The following ITGA6 variants were observed in gnomAD, a reference collection of about 807,000 sequenced individuals.
ITGA6 encodes the protein integrin alpha-6.
Under a neutral mutation model 133.6 loss-of-function variants are expected in ITGA6, and 63 were observed. That is an observed-to-expected ratio of 0.47 (90% CI 0.38 to 0.58). ITGA6 has a LOEUF of 0.58. Among genes scored for constraint, ITGA6 ranks in the 20% least tolerant of loss-of-function variants. The pLI, the probability that ITGA6 is intolerant of heterozygous loss-of-function variation, is 0.00. For missense variants in ITGA6, 1,068 were observed against 1,309.4 expected (o/e 0.82, Z 2.85); for synonymous variants, 434 against 482.0 (o/e 0.90, Z 1.30).
chr2:172,435,595 C>T (rs772633257), intron 1 of ITGA6, among the ~76,000 whole-genome samples: 48 of 146,556 alleles, frequency 3.3e-4, no homozygotes, highest in Non-Finnish European at 6.1e-4. Flanking sequence ...TGCCACGACA[C>T]AAAACCCAAG....
intron 1 of ITGA6, among the ~76,000 whole-genome samples, chr2:172,446,708 A>G (rs1684782801): frequency 6.6e-6 from 1 of 152,230 alleles, no homozygotes; most frequent in South Asian, 2.1e-4. Flanking sequence ...AAATGATTAA[A>G]TGCCACATTT....
intron 1 of ITGA6, among the ~76,000 whole-genome samples, chr2:172,449,299 T>C (rs1684887481): frequency 6.6e-6 from 1 of 152,222 alleles, no homozygotes; most frequent in South Asian, 2.1e-4. Flanking sequence ...TGAAGGATTT[T>C]GTAATTATAG....
intron 1 of ITGA6, among the ~76,000 whole-genome samples, chr2:172,445,966 G>A (rs1027921906): frequency 2.0e-5 from 3 of 152,248 alleles, no homozygotes; most frequent in Non-Finnish European, 4.4e-5. Context: ...ACTGAGTTGT[G>A]TGGCACATCC....
In ITGA6 at chr2:172,504,413, C is replaced by A; in HGVS notation, c.*345C>A. The A allele has an allele frequency of 2.0e-6, 1 of 494,718 alleles. No individual in the cohort carries two copies. Among genetic ancestry groups the A allele is most frequent in the South Asian group, 4.4e-5 (1 of 22,730 alleles). 30.6% of individuals were successfully genotyped at this position (494,718 alleles called of 1,614,324 possible). A position where few individuals can be genotyped will look rare whatever the true frequency, so the allele number is the denominator to read the frequency against. ...TTTAACTGTGGATATTGTTACGTAG[C>A]CTAAGGCTCCTGTTTTGCACAGCCA... On this transcript the variant is annotated 3_prime_UTR_variant, in exon 26 of 26. Coordinates refer to ENST00000684293, the MANE Select transcript of ITGA6 (RefSeq NM_000210.4).
At chr2:172,451,023 C>T (rs185811267) in intron 1 of ITGA6, among the ~76,000 whole-genome samples, 2,295 of 149,154 alleles carry the variant, frequency 0.015, 32 homozygotes, top group South Asian at 0.063. Context: ...GACGTGGGGG[C>T]ACATTCCTGT....
At chr2:172,488,087 T>C in intron 18 of ITGA6, 39 bp from the exon 19 acceptor site, 1 of 1,610,580 alleles carries the variant, frequency 6.2e-7, no homozygotes, top group East Asian at 2.2e-5. Context: ...AAGAACCATT[T>C]ACAATCCTCA....
Position 172,446,668 on chromosome 2 carries a change from G to T in ITGA6, c.182+18698G>T, listed in dbSNP as rs1196724341. 2.0e-5 allele frequency among the ~76,000 whole-genome samples: 3 copies of T among 152,188 alleles called. No individual in the cohort carries two copies. The East Asian group carries it at 5.8e-4, about 29-fold the overall frequency. ...ACAAATGTCATTTGGCAACTGATAA[G>T]TCGGGTATCTGGTAATTCAGAAGCA... On this transcript the variant is annotated intron_variant, in intron 1 of 25. Transcript: ENST00000684293.
intron 1 of ITGA6, among the ~76,000 whole-genome samples, chr2:172,433,228 C>T (rs1033671289): frequency 3.1e-4 from 47 of 152,176 alleles, no homozygotes; most frequent in African/African-American, 1.1e-3. Flanking sequence ...GGTTCTGAAA[C>T]CTGGCTGGTC....
At chr2:172,490,110 C>T (rs919271877) in intron 20 of ITGA6, among the ~76,000 whole-genome samples, 5 of 152,156 alleles carry the variant, frequency 3.3e-5, no homozygotes, top group Admixed American at 2.0e-4. Flanking sequence ...ATTGTGTACT[C>T]ATTGTGTCTC....
Position 172,446,255 on chromosome 2 carries a change from T to G in ITGA6, c.182+18285T>G, listed in dbSNP as rs185326813. Among the ~76,000 whole-genome samples, 3 of 152,364 alleles carry G rather than the reference T, an allele frequency of 2.0e-5. No homozygotes were observed. In the East Asian group the frequency reaches 5.8e-4, roughly 29 times the overall value. ...ACCAGGTGTGAGCTCATTAAGTCTA[T>G]CTTTTCTCTTCTTGTTTTTTATTTA... On this transcript the variant is annotated intron_variant, in intron 1 of 25. Transcript: ENST00000684293.
chr2:172,480,679 T>G (rs2149058269), intron 11 of ITGA6, among the ~76,000 whole-genome samples: 1 of 152,340 alleles, frequency 6.6e-6, no homozygotes, highest in East Asian at 1.9e-4. Flanking sequence ...TTCAGAACAA[T>G]GCCTAGTAGT....
chr2:172,494,427 C>T (rs887335694), intron 23 of ITGA6, among the ~76,000 whole-genome samples: 1 of 152,128 alleles, frequency 6.6e-6, no homozygotes, highest in Non-Finnish European at 1.5e-5. Flanking sequence ...AGGATCACCT[C>T]AGCTCAGGAA....
chr2:172,451,097 G>A (rs763487000), intron 1 of ITGA6, among the ~76,000 whole-genome samples: 2 of 151,316 alleles, frequency 1.3e-5, no homozygotes, highest in South Asian at 2.1e-4. Context: ...GGAGGGTGCC[G>A]TAAGCCAAGA....
rs1348460677 is a variant in ITGA6 at position 172,468,079 on chromosome 2, GA to G, written c.387+521del. Among the ~76,000 whole-genome samples, 5 of 152,248 alleles carry G rather than the reference GA, an allele frequency of 3.3e-5. No individual in the cohort carries two copies. In the East Asian group the frequency reaches 9.6e-4, roughly 29 times the overall value. ...TTTCAGATTTAAATAACTTATTAAA[GA>G]ACCTTTACTAAATATTCCTACAACT... On this transcript the variant is annotated intron_variant, in intron 3 of 25. Coordinates refer to ENST00000684293, the MANE Select transcript of ITGA6 (RefSeq NM_000210.4).
At chr2:172,448,727 G>A (rs561478938) in intron 1 of ITGA6, among the ~76,000 whole-genome samples, 16 of 152,252 alleles carry the variant, frequency 1.1e-4, no homozygotes, top group Non-Finnish European at 1.9e-4. Flanking sequence ...TGAAAATTCC[G>A]GGCTGGATTT....
In ITGA6 at chr2:172,469,289, A is replaced by G; in HGVS notation, c.552A>G (p.Lys184=). Residue 184 remains lysine (K), a synonymous_variant, in exon 4 of 26, where the codon AAA becomes AAG. Coordinates refer to ENST00000684293, the MANE Select transcript of ITGA6 (RefSeq NM_000210.4). ...ATGGGCGATTGAGAGGCCATGAGAAATTTGGCTCTTGCCAGCAAGGTGTAG... is the reference window on the plus strand; with the variant it reads ...ATGGGCGATTGAGAGGCCATGAGAAGTTTGGCTCTTGCCAGCAAGGTGTAG... The part of the protein sequence containing the change: ...FCDGRLRGHE[K]FGSCQQGVAA... 1 of 1,614,164 alleles carries G rather than the reference A, an allele frequency of 6.2e-7. No homozygotes were observed. The highest frequency in any genetic ancestry group is 8.5e-7 in the Non-Finnish European group (1 of 1,180,018).
intron 5 of ITGA6, chr2:172,472,667 A>G (rs2149045696): frequency 1.4e-6 from 1 of 706,992 alleles, no homozygotes; most frequent in Non-Finnish European, 2.5e-6. Flanking sequence ...AGCTTGCCGG[A>G]TGCAGTGGTG....
chr2:172,470,865 T>G (rs535475953), intron 4 of ITGA6, 109 bp from the exon 5 acceptor site: 1 of 1,093,898 alleles, frequency 9.1e-7, no homozygotes, highest in African/African-American at 1.6e-5. Context: ...TTCCTCCAAA[T>G]TTTTTTTCCT....
rs1298304227 is a variant in ITGA6, at chr2:172,475,714, TAG to T, written c.1269+32_1269+33del. On this transcript the variant is annotated intron_variant, in intron 8 of 25. Transcript: ENST00000684293. Reference sequence around the variant, plus strand: ...ACCAAATAACCGGGATTTCTACAGCTAGAGTCTCAACTTTTTGCCCTATAATA... The same window carrying T: ...ACCAAATAACCGGGATTTCTACAGCTAGTCTCAACTTTTTGCCCTATAATA... The T allele has an allele frequency of 1.8e-5, 22 of 1,219,490 alleles. No individual in the cohort carries two copies. The Admixed American group carries it at 1.8e-4, about 10-fold the overall frequency. 75.5% of individuals were successfully genotyped at this position (1,219,490 alleles called of 1,614,324 possible).
Sources: allele counts gnomAD v4.1 joint callset (sites outside exome capture counted in the v4.1 genomes callset), GRCh38; gene constraint gnomAD v4.1.1; transcripts MANE v1.5; gene names NCBI Gene and HGNC (gene_info 2026-07-23, HGNC 2026-07-21).